The following C12orf42 variants were observed in gnomAD, a reference collection of about 807,000 sequenced individuals.
C12orf42 encodes uncharacterized protein C12orf42.
C12orf42 carries 25 observed loss-of-function variants against 21.6 expected under a neutral mutation model. That is an observed-to-expected ratio of 1.16 (90% CI 0.84 to 1.62). The LOEUF (loss-of-function observed/expected upper bound fraction) is 1.62. Ranked by LOEUF, C12orf42 falls within the 40% of genes most tolerant of loss-of-function variation. The probability of loss-of-function intolerance (pLI) is 0.00; values close to 1 mark genes in which losing one functional copy is unlikely to be tolerated. For synonymous variants in C12orf42, 174 were observed against 175.0 expected, an observed-to-expected ratio of 0.99 and a Z score of 0.05; for missense variants, 483 against 459.3, an observed-to-expected ratio of 1.05 and a Z score of -0.47.
chr12:103,158,229 A>G, the C12orf42 span, among the ~76,000 whole-genome samples: 18 of 152,288 alleles, frequency 1.2e-4, no homozygotes, highest in African/African-American at 3.9e-4. Context: ...TGAGGCTCAG[A>G]GACTTTATTT....
At chr12:103,306,564 A>C (rs1243892640) in intron 4 of C12orf42, among the ~76,000 whole-genome samples, 2 of 152,134 alleles carry the variant, frequency 1.3e-5, no homozygotes, top group Non-Finnish European at 2.9e-5. Flanking sequence ...GCTGAGTTCT[A>C]GTTATGTTGA....
the C12orf42 span, among the ~76,000 whole-genome samples, chr12:103,192,880 T>TAG: frequency 0.37 from 55,768 of 151,920 alleles, 10,921 homozygotes; most frequent in South Asian, 0.45. Context: ...AACTACACTG[T>TAG]AGAGCAAATG....
intron 2 of C12orf42, among the ~76,000 whole-genome samples, chr12:103,423,438 G>A (rs957933131): frequency 2.6e-5 from 4 of 152,228 alleles, no homozygotes; most frequent in Admixed American, 1.3e-4. Context: ...GGAAACTGCA[G>A]ATTCTATCAG....
At chr12:103,304,888 A>C (rs1040104515) in intron 5 of C12orf42, among the ~76,000 whole-genome samples, 1 of 152,210 alleles carries the variant, frequency 6.6e-6, no homozygotes, top group Non-Finnish European at 1.5e-5. Context: ...GTTCAAAGAA[A>C]GTTCTCCTTT....
the C12orf42 span, among the ~76,000 whole-genome samples, chr12:103,560,316 A>G: frequency 0.066 from 779 of 11,886 alleles, 6 homozygotes; most frequent in Non-Finnish European, 0.092. Context: ...AAGGAAGGGA[A>G]ATGAGGCTTG....
chr12:103,411,845 G>A (rs2048873844), intron 2 of C12orf42, among the ~76,000 whole-genome samples: 1 of 152,136 alleles, frequency 6.6e-6, no homozygotes, highest in Non-Finnish European at 1.5e-5. Flanking sequence ...ATACATGTGT[G>A]CACATGCATG....
intron 2 of C12orf42, among the ~76,000 whole-genome samples, chr12:103,437,191 T>C (rs1290493300): frequency 1.3e-5 from 2 of 151,982 alleles, no homozygotes; most frequent in Non-Finnish European, 2.9e-5. Context: ...GAAATAAAGA[T>C]GTTCTTTGAA....
chr12:103,299,249 T>C (rs1013317586), downstream of C12orf42, among the ~76,000 whole-genome samples: 1 of 152,034 alleles, frequency 6.6e-6, no homozygotes, highest in Non-Finnish European at 1.5e-5. Flanking sequence ...GAAATGGAGA[T>C]AATAGTAACT....
intron 4 of C12orf42, among the ~76,000 whole-genome samples, chr12:103,316,068 ACAG>A (rs1378978746): frequency 3.3e-5 from 5 of 151,056 alleles, no homozygotes; most frequent in Non-Finnish European, 7.4e-5. Flanking sequence ...ACACACACAC[ACAG>A]TACTATATAG....
the C12orf42 span, among the ~76,000 whole-genome samples, chr12:103,134,088 T>C: frequency 3.9e-5 from 6 of 152,154 alleles, no homozygotes; most frequent in African/African-American, 1.4e-4. Context: ...ATAAATATCA[T>C]AGATACCTCT....
the C12orf42 span, among the ~76,000 whole-genome samples, chr12:103,192,459 A>G: frequency 1.3e-5 from 2 of 150,800 alleles, no homozygotes; most frequent in Non-Finnish European, 3.0e-5. Flanking sequence ...AGCCAAGACC[A>G]TGCAACTGCA....
At chr12:103,229,268 G>T in the C12orf42 span, among the ~76,000 whole-genome samples, 1 of 152,134 alleles carries the variant, frequency 6.6e-6, no homozygotes, top group Non-Finnish European at 1.5e-5. Flanking sequence ...AGTTAGGATG[G>T]TTTCTGCATG....
intron 4 of C12orf42, among the ~76,000 whole-genome samples, chr12:103,358,401 C>G (rs2043776694): frequency 6.6e-6 from 1 of 152,042 alleles, no homozygotes; most frequent in Non-Finnish European, 1.5e-5. Context: ...AGGGCAGCAT[C>G]TGGAATAAGC....
chr12:103,344,816 G>C (rs1232046987), intron 4 of C12orf42, among the ~76,000 whole-genome samples: 1 of 152,172 alleles, frequency 6.6e-6, no homozygotes, highest in African/African-American at 2.4e-5. Flanking sequence ...GAGAGAGGCA[G>C]CTTTGGGAAA....
the C12orf42 span, among the ~76,000 whole-genome samples, chr12:103,177,955 A>G: frequency 6.0e-4 from 92 of 152,302 alleles, no homozygotes; most frequent in African/African-American, 2.2e-3. Context: ...TTTTGCAGAA[A>G]AGAATAAAGC....
the C12orf42 span, among the ~76,000 whole-genome samples, chr12:103,165,285 G>C: frequency 9.2e-5 from 14 of 152,290 alleles, no homozygotes; most frequent in Middle Eastern, 6.8e-3. Context: ...GTGGGAAACC[G>C]GGCAGGCACT....
intron 4 of C12orf42, among the ~76,000 whole-genome samples, chr12:103,308,288 T>C (rs1422600652): frequency 6.6e-6 from 1 of 152,230 alleles, no homozygotes; most frequent in African/African-American, 2.4e-5. Context: ...TAAAAGTATA[T>C]AATTTTGATT....
the C12orf42 span, among the ~76,000 whole-genome samples, chr12:103,084,634 C>A: frequency 1.3e-5 from 2 of 152,102 alleles, no homozygotes; most frequent in African/African-American, 2.4e-5. Context: ...AGAATGTATA[C>A]CTAGTTTTTA....
the C12orf42 span, among the ~76,000 whole-genome samples, chr12:103,215,299 T>C: frequency 6.6e-6 from 1 of 151,868 alleles, no homozygotes; most frequent in Non-Finnish European, 1.5e-5. Flanking sequence ...TATAAATACA[T>C]ATATTAATAT....
Sources: gnomAD v4.1 joint callset for allele counts (sites outside exome capture counted in the v4.1 genomes callset) on GRCh38, gnomAD v4.1.1 for gene constraint, MANE v1.5 for transcripts, NCBI Gene and HGNC (gene_info 2026-07-23, HGNC 2026-07-21) for gene names.